Variants in ATM observed in about 807,000 individuals in gnomAD.
ATM encodes the protein serine-protein kinase ATM.
Under a neutral mutation model 387.0 loss-of-function variants are expected in ATM, and 308 were observed. The ratio of observed to expected loss-of-function variants is 0.80; its 90% CI spans 0.73 to 0.87. The LOEUF is 0.87. Ranked by LOEUF, ATM falls within the 40% of genes least tolerant of loss-of-function variation. ATM has a pLI of 0.00. For synonymous variants in ATM, 1,156 were observed against 1,187.3 expected (o/e 0.97, Z 0.54); for missense variants, 3,312 against 3,560.9 (o/e 0.93, Z 1.78).
At chr11:108,229,485 T>G in intron 4 of ATM, 162 bp downstream of exon 4, 1 of 737,880 alleles carries the variant, frequency 1.4e-6, no homozygotes, top group South Asian at 2.2e-5. Flanking sequence ...ATTTTTATTT[T>G]TATTAAAAGG....
In ATM at chr11:108,235,807, T is replaced by G. The variant is rs1248850168; in HGVS notation, c.469T>G (p.Cys157Gly). 6.2e-7 allele frequency: 1 copy of G among 1,613,722 alleles called. No individual in the cohort carries two copies. Among genetic ancestry groups the G allele is most frequent in the Non-Finnish European group, 8.5e-7 (1 of 1,179,874 alleles). ...CATTCTTTCTGTGAGAAAATACTGG[T>G]GTGAAATATCTCAGCAACAGTGGTT... ...KDILSVRKYW[C>G]EISQQQWLEL... is the part of the protein sequence containing the mutation. Residue 157 changes from cysteine to glycine, a missense_variant, in exon 5 of 63, where the codon TGT becomes GGT. Physicochemically the swap from Cys to Gly is radical, Grantham distance 159. This residue lies in a region of ATM where 1,791 missense variants were observed against 1,804.5 expected (regional missense o/e 0.99). Transcript: ENST00000675843.
intron 40 of ATM, among the ~76,000 whole-genome samples, chr11:108,313,247 C>G (rs1265528329): frequency 6.6e-6 from 1 of 152,174 alleles, no homozygotes; most frequent in Non-Finnish European, 1.5e-5. Context: ...TCCCTCTGAA[C>G]TATGTTCTGA....
At chr11:108,272,267 T>G (rs137911551) in intron 20 of ATM, among the ~76,000 whole-genome samples, 104 of 152,332 alleles carry the variant, frequency 6.8e-4, no homozygotes, top group Middle Eastern at 3.4e-3. Flanking sequence ...TTTACTGTAA[T>G]GTAGTTTAGC....
At position 108,354,076 on chromosome 11, in the gene ATM, C is replaced by CACACACACAA. The variant is rs1467608591; in HGVS notation, c.8786+205_8786+206insAACACACACA. Reference sequence around the variant, plus strand: ...AAAAAAATACACACACACAAACACACACACACACACACACACACACACACA... The same window carrying CACACACACAA: ...AAAAAAATACACACACACAAACACACACACACACAAACACACACACACACACACACACACA... On this transcript the variant is annotated intron_variant, in intron 60 of 62. Transcript: ENST00000675843. 2.4e-3 allele frequency among the ~76,000 whole-genome samples: 359 copies of CACACACACAA among 148,402 alleles called. 2 individuals carry two copies. Among genetic ancestry groups the CACACACACAA allele is most frequent in the African/African-American group, 8.9e-3 (347 of 39,168 alleles).
chr11:108,259,965 A>C (rs773792620), intron 16 of ATM, among the ~76,000 whole-genome samples: 1 of 151,374 alleles, frequency 6.6e-6, no homozygotes, highest in Non-Finnish European at 1.5e-5. Context: ...TTTATTTAGC[A>C]GTGCATGGTA....
chr11:108,358,470 A>T (rs2090310714), intron 61 of ATM, among the ~76,000 whole-genome samples: 2 of 151,004 alleles, frequency 1.3e-5, no homozygotes, highest in African/African-American at 4.9e-5. Context: ...CTTTGAGAAG[A>T]GCAACTCCAA....
intron 35 of ATM, among the ~76,000 whole-genome samples, chr11:108,302,153 A>G (rs4988036): frequency 6.6e-6 from 1 of 152,140 alleles, no homozygotes; most frequent in Admixed American, 6.5e-5. Flanking sequence ...TTCCATGTCA[A>G]GTTAACATAT....
Position 108,292,635 on chromosome 11 carries a change from G to A in ATM, c.4453G>A (p.Asp1485Asn), listed in dbSNP as rs2135797643. The change falls in exon 30 of 63, where the codon GAT (aspartate) becomes AAT (asparagine). Residue 1485 changes from aspartate (D) to asparagine (N), a missense_variant. Asp to Asn is a conservative substitution (Grantham distance 23). Around this residue, in one of 4 missense-constraint regions of ATM, gnomAD observed 1,791 missense variants for 1,804.5 expected, o/e 0.99. Transcript: ENST00000675843. ...YINQRPSCIM[D>N]VSLRSFSLCC... is the part of the protein sequence containing the mutation. The stretch of plus-strand genomic sequence containing the variant: ...CTATATTAGGCCTTCTTGTATCATG[G>A]ATGTGTCATTACGTAGCTTCTCCCT... 6.2e-7 allele frequency: 1 copy of A among 1,613,818 alleles called. No homozygotes were observed. The highest frequency in any genetic ancestry group is 8.5e-7 in the Non-Finnish European group (1 of 1,179,908).
Position 108,365,598 on chromosome 11 carries a change from A to G in ATM, c.*90A>G, listed in dbSNP as rs1253149900. The G allele has an allele frequency of 2.1e-6, 3 of 1,442,306 alleles. No individual in the cohort carries two copies. Among genetic ancestry groups the G allele is most frequent in the Non-Finnish European group, 2.8e-6 (3 of 1,058,298 alleles). 89.3% of individuals were successfully genotyped at this position (1,442,306 alleles called of 1,614,324 possible). A position where few individuals can be genotyped will look rare whatever the true frequency, so the allele number is the denominator to read the frequency against. ...ACCTGCCAACATACTTTAAGTAGGG[A>G]TTAATATTTAAGTGAACTATTGTGG... On this transcript the variant is annotated 3_prime_UTR_variant, in exon 63 of 63. Coordinates refer to ENST00000675843, the MANE Select transcript of ATM (RefSeq NM_000051.4).
At chr11:108,359,863 AC>A in intron 61 of ATM, among the ~76,000 whole-genome samples, 1 of 152,284 alleles carries the variant, frequency 6.6e-6, no homozygotes, top group Non-Finnish European at 1.5e-5. Flanking sequence ...CAAAACTGAC[AC>A]CCTAACATCA....
chr11:108,274,456 A>G (rs2081815412), intron 22 of ATM, among the ~76,000 whole-genome samples: 1 of 151,794 alleles, frequency 6.6e-6, no homozygotes, highest in Non-Finnish European at 1.5e-5. Context: ...TTTAATTGTG[A>G]TGTTAGGGTG....
chr11:108,347,447 C>A, intron 59 of ATM, 82 bp downstream of exon 59: 1 of 1,143,614 alleles, frequency 8.7e-7, no homozygotes, highest in Non-Finnish European at 1.3e-6. Context: ...CAAGATATTA[C>A]AAATATAAGA....
At chr11:108,224,403 C>A (rs557225551) in intron 1 of ATM, 1 of 152,294 alleles carries the variant, frequency 6.6e-6, no homozygotes, top group East Asian at 1.9e-4. Flanking sequence ...ACACTGAATT[C>A]GTCAATTCAG....
chr11:108,267,626 A>G (rs2081333222), intron 17 of ATM, among the ~76,000 whole-genome samples: 1 of 152,192 alleles, frequency 6.6e-6, no homozygotes, highest in African/African-American at 2.4e-5. Context: ...TGGGAGGCCA[A>G]GGCGGGCTGA....
intron 12 of ATM, among the ~76,000 whole-genome samples, chr11:108,253,157 A>C (rs1264286809): frequency 6.6e-6 from 1 of 152,212 alleles, no homozygotes; most frequent in Non-Finnish European, 1.5e-5. Context: ...TGCCAATGAG[A>C]AAAACTGAAT....
intron 22 of ATM, among the ~76,000 whole-genome samples, chr11:108,273,134 A>C (rs913561491): frequency 2.0e-5 from 3 of 152,136 alleles, no homozygotes; most frequent in Non-Finnish European, 2.9e-5. Context: ...TGTGTCTACT[A>C]TCATGTACAG....
At position 108,335,958 on chromosome 11, in the gene ATM, T is replaced by C. The variant is rs758654836; in HGVS notation, c.8265T>C (p.Tyr2755=). 20 of 1,603,202 alleles carry C rather than the reference T, an allele frequency of 1.2e-5. No individual in the cohort carries two copies. The East Asian group carries it at 2.5e-4, about 20-fold the overall frequency. Residue 2755 remains tyrosine (Y), a synonymous_variant, in exon 56 of 63, where the codon TAT becomes TAC. Transcript: ENST00000675843. ...TRKRKLTICT[Y]KVVPLSQRSG... ...AGAGGAAATTAACTATCTGTACTTA[T>C]AAGGTAACTATTTGTACTTCTGTTA...
chr11:108,312,336 A>C, intron 39 of ATM, 75 bp from the exon 40 acceptor site: 1 of 1,125,192 alleles, frequency 8.9e-7, no homozygotes, highest in Admixed American at 1.8e-5. Context: ...TTTTCTGTCA[A>C]AGTCTATAGT....
chr11:108,347,407 T>C (rs763803571), intron 59 of ATM, 42 bp downstream of exon 59: 1 of 1,461,042 alleles, frequency 6.8e-7, no homozygotes, highest in South Asian at 1.1e-5. Flanking sequence ...TTAGTAAATA[T>C]TTGGTCATCA....
Sources: gnomAD v4.1 joint callset for allele counts (sites outside exome capture counted in the v4.1 genomes callset) on GRCh38, gnomAD v4.1.1 for gene constraint, gnomAD v4.1.1 regional missense constraint, MANE v1.5 for transcripts, NCBI Gene and HGNC (gene_info 2026-07-23, HGNC 2026-07-21) for gene names.